The following FOXP1 variants were observed in gnomAD, a reference collection of about 807,000 sequenced individuals.
FOXP1 encodes forkhead box P1.
In FOXP1, 15 loss-of-function variants were observed where a neutral mutation model predicts 98.2. The observed-to-expected ratio is 0.15, with a 90% CI of 0.10 to 0.24. The LOEUF is 0.24. Among genes scored for constraint, FOXP1 ranks in the 10% least tolerant of loss-of-function variants. The pLI is 1.00. For missense variants in FOXP1, 633 were observed against 848.5 expected, an observed-to-expected ratio of 0.75 and a Z score of 3.15; for synonymous variants, 371 against 314.5, an observed-to-expected ratio of 1.18 and a Z score of -1.90.
At chr3:71,222,210 G>A (rs980086574) in intron 5 of FOXP1, among the ~76,000 whole-genome samples, 7 of 151,954 alleles carry the variant, frequency 4.6e-5, no homozygotes, top group Admixed American at 2.6e-4. Flanking sequence ...TCCATGAGAG[G>A]GGCTGGGGCG....
intron 3 of FOXP1, among the ~76,000 whole-genome samples, chr3:71,469,920 T>A (rs2089161107): frequency 6.6e-6 from 1 of 152,158 alleles, no homozygotes. Flanking sequence ...ATAGGCAGCA[T>A]CCTGTCTGTA....
chr3:71,065,512 T>G (rs1364796725), intron 7 of FOXP1: 1 of 152,266 alleles, frequency 6.6e-6, no homozygotes, highest in Non-Finnish European at 1.5e-5. Context: ...TCACAGAGCC[T>G]TGGCCTCCCC....
At chr3:71,438,153 G>C (rs1363868431) in intron 3 of FOXP1, among the ~76,000 whole-genome samples, 1 of 152,142 alleles carries the variant, frequency 6.6e-6, no homozygotes, top group Non-Finnish European at 1.5e-5. Context: ...GTTACGCACA[G>C]GAATTACAGG....
At chr3:71,253,264 G>C (rs2068357953) in intron 5 of FOXP1, among the ~76,000 whole-genome samples, 1 of 152,214 alleles carries the variant, frequency 6.6e-6, no homozygotes, top group Admixed American at 6.5e-5. Context: ...GGTGTGGACA[G>C]CTGGGCATGT....
rs567515710 is a variant in FOXP1 at position 71,326,611 on chromosome 3, G to A, written c.-72-26731C>T. Among the ~76,000 whole-genome samples the A allele has an allele frequency of 2.0e-5, 3 of 152,294 alleles. No homozygotes were observed. The East Asian group carries it at 5.8e-4, about 29-fold the overall frequency. On this transcript the variant is annotated intron_variant, in intron 4 of 20. Transcript: ENST00000649528. ...GTTTGGAGCTAGGTACTTTGGCACA[G>A]GATTTCAGTTTACATAAGCAGAATG...
intron 3 of FOXP1, among the ~76,000 whole-genome samples, chr3:71,429,448 A>C (rs1271778867): frequency 1.7e-5 from 2 of 117,054 alleles, no homozygotes; most frequent in African/African-American, 6.6e-5. Context: ...GGCGGAACTC[A>C]GCACTTGTGT....
chr3:71,016,433 A>G (rs572156047), intron 11 of FOXP1, among the ~76,000 whole-genome samples: 185 of 152,262 alleles, frequency 1.2e-3, no homozygotes, highest in African/African-American at 3.5e-3. Context: ...ATATTCTCAA[A>G]TATTTTCTCT....
chr3:71,335,238 T>A (rs1262683945), intron 4 of FOXP1: 2 of 152,056 alleles, frequency 1.3e-5, no homozygotes, highest in East Asian at 3.9e-4. Context: ...TGAGCTATAA[T>A]CGTGCCACGG....
chr3:71,186,440 C>T (rs369999783), intron 6 of FOXP1, among the ~76,000 whole-genome samples: 3 of 152,322 alleles, frequency 2.0e-5, no homozygotes, highest in South Asian at 2.1e-4. Flanking sequence ...TGGCCAGGTG[C>T]GGTGGCTCAC....
intron 19 of FOXP1, chr3:70,969,052 C>A (rs1281896526): frequency 6.6e-6 from 1 of 151,226 alleles, no homozygotes; most frequent in African/African-American, 2.4e-5. Flanking sequence ...CTGAACAGTT[C>A]TGTAATGACA....
At chr3:71,237,881 T>G (rs773591124) in intron 5 of FOXP1, among the ~76,000 whole-genome samples, 2 of 152,272 alleles carry the variant, frequency 1.3e-5, no homozygotes, top group Middle Eastern at 3.4e-3. Flanking sequence ...GGAAAAAGGA[T>G]AATTTAACAA....
chr3:71,047,922 C>G (rs2049252855), intron 9 of FOXP1, among the ~76,000 whole-genome samples: 1 of 152,150 alleles, frequency 6.6e-6, no homozygotes, highest in Admixed American at 6.5e-5. Flanking sequence ...ATACATCATT[C>G]CTGTGTTTAG....
chr3:71,424,950 A>T lies in FOXP1; in HGVS notation c.-167-65706T>A, dbSNP rs564125851. Among the ~76,000 whole-genome samples the T allele has an allele frequency of 2.2e-4, 34 of 152,370 alleles. No individual in the cohort carries two copies. In the South Asian group the frequency reaches 6.4e-3, roughly 29 times the overall value. On this transcript the variant is annotated intron_variant, in intron 3 of 20. Transcript: ENST00000649528. ...AACAGGGAAAGCTTTTTCTAGGAAG[A>T]GGGAAATGTGTATGGCAGTTGCCAT... is the stretch of plus-strand genomic sequence containing the variant.
rs930689466 is a variant in FOXP1 at position 71,356,877 on chromosome 3, C to T, written c.-73+2273G>A. 1.1e-4 allele frequency among the ~76,000 whole-genome samples: 16 copies of T among 152,250 alleles called. No individual in the cohort carries two copies. The South Asian group carries it at 3.3e-3, about 32-fold the overall frequency. On this transcript the variant is annotated intron_variant, in intron 4 of 20. Transcript: ENST00000649528. ...ATAGGCAGAGAATATATTATTAATA[C>T]AAAGCATAGGGAAGTCTCATTCTAT... is the stretch of plus-strand genomic sequence containing the variant.
chr3:71,381,384 C>G (rs1369838757), intron 3 of FOXP1, among the ~76,000 whole-genome samples: 1 of 151,406 alleles, frequency 6.6e-6, no homozygotes, highest in Non-Finnish European at 1.5e-5. Context: ...GTGATCCGCC[C>G]TCCTCGGCCT....
chr3:71,173,701 A>G (rs1201091028), intron 6 of FOXP1, among the ~76,000 whole-genome samples: 3 of 152,184 alleles, frequency 2.0e-5, no homozygotes, highest in African/African-American at 7.2e-5. Flanking sequence ...TGCATGGCTG[A>G]TAACAATTAG....
At chr3:70,984,817 T>C (rs950940456) in intron 14 of FOXP1, among the ~76,000 whole-genome samples, 5 of 152,186 alleles carry the variant, frequency 3.3e-5, no homozygotes, top group African/African-American at 7.2e-5. Context: ...CTCAGATCCA[T>C]GTCCAAAAAC....
intron 6 of FOXP1, among the ~76,000 whole-genome samples, chr3:71,168,289 A>T (rs1030553312): frequency 2.0e-4 from 29 of 143,468 alleles, no homozygotes; most frequent in African/African-American, 6.4e-4. Context: ...ACCACAAGGA[A>T]TGAGTTTAAA....
chr3:71,344,220 T>A (rs1262370179), intron 4 of FOXP1, among the ~76,000 whole-genome samples: 1 of 152,200 alleles, frequency 6.6e-6, no homozygotes, highest in Admixed American at 6.5e-5. Flanking sequence ...TAATTTATAA[T>A]GAGGAAAGAA....
Sources: allele counts gnomAD v4.1 joint callset (sites outside exome capture counted in the v4.1 genomes callset), GRCh38; gene constraint gnomAD v4.1.1; transcripts MANE v1.5; gene names NCBI Gene and HGNC (gene_info 2026-07-23, HGNC 2026-07-21).